The following PRAMEF2 variants were observed in gnomAD, a reference collection of about 807,000 sequenced individuals.
The protein encoded by PRAMEF2 is PRAME family member 2.
Under a neutral mutation model 38.0 loss-of-function variants are expected in PRAMEF2, and 35 were observed. That is an observed-to-expected ratio of 0.92 (90% confidence interval 0.70 to 1.22). PRAMEF2 has a LOEUF of 1.22. PRAMEF2 is among the 50% of genes most tolerant of loss of function. The probability of loss-of-function intolerance (pLI) is 0.00; values close to 1 mark genes in which losing one functional copy is unlikely to be tolerated. For synonymous variants in PRAMEF2, 240 were observed against 232.4 expected (o/e 1.03, Z -0.30); for missense variants, 562 against 553.9 (o/e 1.01, Z -0.15).
intron 3 of PRAMEF2, 78 bp from the exon 4 acceptor site, chr1:12,861,143 T>C (rs147026662): frequency 0.011 from 15,549 of 1,429,364 alleles, 417 homozygotes; most frequent in South Asian, 0.029. Flanking sequence ...TTGAAGCAGG[T>C]ATTTTCCTTG....
intron 3 of PRAMEF2, among the ~76,000 whole-genome samples, chr1:12,860,920 C>T (rs1333950753): frequency 2.0e-5 from 3 of 149,476 alleles, no homozygotes; most frequent in African/African-American, 7.4e-5. Flanking sequence ...GTTCACATCT[C>T]CCACGGGGTA....
Position 12,861,624 on chromosome 1 carries a change from C to T in PRAMEF2, c.1270C>T (p.Arg424Cys), listed in dbSNP as rs140567467. The T allele has an allele frequency of 1.1e-4, 179 of 1,593,902 alleles. 5 individuals carry two copies. The highest frequency in any genetic ancestry group is 1.1e-3 in the South Asian group (100 of 89,794). Residue 424 changes from arginine to cysteine, a missense_variant, in exon 4 of 4, where the codon CGT becomes TGT. By Grantham distance (180) the Arg-to-Cys change is radical. Around this residue, in one of 2 missense-constraint regions of PRAMEF2, gnomAD observed 76 missense variants for 109.6 expected, o/e 0.69. Coordinates refer to ENST00000240189, the MANE Select transcript of PRAMEF2 (RefSeq NM_023014.1). ...APEESLNSLV[R>C]VNWEIFTPLR... ...TGAGGAGAGTTTGAATTCCTTGGTT[C>T]GTGTCAATTGGGAGATCTTCACCCC...
At chr1:12,859,565 A>C (rs1569847165) in intron 2 of PRAMEF2, 128 bp from the exon 3 acceptor site, 1 of 1,506,916 alleles carries the variant, frequency 6.6e-7, no homozygotes, top group East Asian at 2.2e-5. Flanking sequence ...GGGAAAAGGG[A>C]TTGAGAAAAG....
chr1:12,860,378 G>T (rs1640527977), intron 3 of PRAMEF2, 107 bp downstream of exon 3: 2 of 1,538,318 alleles, frequency 1.3e-6, no homozygotes, highest in East Asian at 4.5e-5. Context: ...CAACGTCACA[G>T]TGAAGGGAAC....
In PRAMEF2 at chr1:12,861,697, A is replaced by G. The variant is rs776102401; in HGVS notation, c.1343A>G (p.Lys448Arg). 1.5e-5 allele frequency: 23 copies of G among 1,573,546 alleles called. 2 individuals are homozygous for G. In the South Asian group the frequency reaches 1.9e-4, roughly 13 times the overall value. ...MCTLREFRQP[K>R]RIFIGPTPCP... ...ACACTGAGGGAATTCAGGCAGCCCAAGAGGATCTTCATTGGCCCCACCCCC... is the reference window on the plus strand; with the variant it reads ...ACACTGAGGGAATTCAGGCAGCCCAGGAGGATCTTCATTGGCCCCACCCCC... Residue 448 changes from lysine to arginine, a missense_variant, in exon 4 of 4, where the codon AAG becomes AGG. Transcript: ENST00000240189.
chr1:12,858,315 G>C (rs1640479382), intron 1 of PRAMEF2, among the ~76,000 whole-genome samples: 1 of 150,162 alleles, frequency 6.7e-6, no homozygotes, highest in African/African-American at 2.4e-5. Context: ...GGAGTGCAGT[G>C]GTGTGATGTC....
At position 12,859,023 on chromosome 1, in the gene PRAMEF2, C is replaced by T; in HGVS notation, c.14C>T (p.Ala5Val). 5.6e-6 allele frequency: 9 copies of T among 1,598,568 alleles called. No individual in the cohort carries two copies. Among genetic ancestry groups the T allele is most frequent in the Non-Finnish European group, 7.7e-6 (9 of 1,174,488 alleles). Residue 5 changes from alanine to valine, a missense_variant, in exon 2 of 4, where the codon GCC becomes GTC. Physicochemically the swap from Ala to Val is moderately conservative, Grantham distance 64. This residue lies in a region of PRAMEF2 where 486 missense variants were observed against 444.2 expected (regional missense o/e 1.09). Transcript: ENST00000240189. Reference protein sequence around the residue: MSIQAPPRLLELAGQ... With the variant: MSIQVPPRLLELAGQ... ...AGATCCATCAGGATGAGCATCCAGG[C>T]CCCACCGAGACTACTGGAGCTGGCG... is the stretch of plus-strand genomic sequence containing the variant.
chr1:12,861,759 G>C lies in PRAMEF2; in HGVS notation c.1405G>C (p.Glu469Gln). ...SCGSSPSEEL[E>Q]LHLCC ...TGGCTCATCACCGTCTGAGGAACTG[G>C]AGCTCCATCTTTGCTGCTAGGGAAG... The change falls in exon 4 of 4, where the codon GAG becomes CAG. Residue 469 changes from glutamate (E) to glutamine (Q), a missense_variant. By Grantham distance (29) the Glu-to-Gln change is conservative. Coordinates refer to ENST00000240189, the MANE Select transcript of PRAMEF2 (RefSeq NM_023014.1). 1 of 1,594,020 alleles carries C rather than the reference G, an allele frequency of 6.3e-7. No homozygotes were observed. Among genetic ancestry groups the C allele is most frequent in the Non-Finnish European group, 8.5e-7 (1 of 1,171,122 alleles).
chr1:12,860,365 T>G (rs1402664761), intron 3 of PRAMEF2, 94 bp downstream of exon 3: 3 of 1,558,224 alleles, frequency 1.9e-6, no homozygotes, highest in Non-Finnish European at 2.6e-6. Flanking sequence ...TGCCAGCCAG[T>G]GGCAACGTCA....
chr1:12,860,318 G>C lies in PRAMEF2; in HGVS notation c.866+47G>C, dbSNP rs189908700. 9.4e-6 allele frequency: 15 copies of C among 1,599,322 alleles called. 1 individual carries two copies. Among genetic ancestry groups the C allele is most frequent in the East Asian group, 2.2e-5 (1 of 44,568 alleles). On this transcript the variant is annotated intron_variant, in intron 3 of 3. Coordinates refer to ENST00000240189, the MANE Select transcript of PRAMEF2 (RefSeq NM_023014.1). ...TGTATGCAGACCACAGCACAGACTT[G>C]TTCTGTTACAGCAAACATTAGAAGG... is the stretch of plus-strand genomic sequence containing the variant.
Position 12,861,668 on chromosome 1 carries a change from G to A in PRAMEF2, c.1314G>A (p.Met438Ile), listed in dbSNP as rs1261074338. Residue 438 changes from methionine (M) to isoleucine (I), a missense_variant, in exon 4 of 4, where the codon ATG (methionine) becomes ATA (isoleucine). Met to Ile is a conservative substitution (Grantham distance 10). Around this residue, in one of 2 missense-constraint regions of PRAMEF2, gnomAD observed 76 missense variants for 109.6 expected, o/e 0.69. Coordinates refer to ENST00000240189, the MANE Select transcript of PRAMEF2 (RefSeq NM_023014.1). Reference sequence around the variant, plus strand: ...TCACCCCACTTCGGGCTGAGCTGATGTGTACACTGAGGGAATTCAGGCAGC... The same window carrying A: ...TCACCCCACTTCGGGCTGAGCTGATATGTACACTGAGGGAATTCAGGCAGC... ...EIFTPLRAEL[M>I]CTLREFRQPK... 1.3e-6 allele frequency: 2 copies of A among 1,581,724 alleles called. No homozygotes were observed. The highest frequency in any genetic ancestry group is 1.8e-5 in the Admixed American group (1 of 56,750).
At position 12,859,253 on chromosome 1, in the gene PRAMEF2, C is replaced by T; in HGVS notation, c.244C>T (p.Leu82=). 1 of 1,610,382 alleles carries T rather than the reference C, an allele frequency of 6.2e-7. No individual in the cohort carries two copies. ...TCATCTGGAGCCATTGAAAGCATTG[C>T]TGGAAGGGCTTCATATGCTGCTTAC... ...TLHLEPLKAL[L]EGLHMLLTQK... Residue 82 remains leucine, a synonymous_variant, in exon 2 of 4, where the codon CTG becomes TTG. Transcript: ENST00000240189.
chr1:12,857,883 G>C (rs56018143), intron 1 of PRAMEF2, among the ~76,000 whole-genome samples: 10,643 of 145,390 alleles, frequency 0.073, 558 homozygotes, highest in African/African-American at 0.11. Flanking sequence ...ATTTTTAGTA[G>C]ACACAGGGTT....
Position 12,860,690 on chromosome 1 carries a change from C to T in PRAMEF2, c.866+419C>T, listed in dbSNP as rs935700073. Among the ~76,000 whole-genome samples the T allele has an allele frequency of 2.3e-4, 34 of 150,254 alleles. 2 individuals carry two copies. Among genetic ancestry groups the T allele is most frequent in the South Asian group, 4.3e-4 (2 of 4,680 alleles). On this transcript the variant is annotated intron_variant, in intron 3 of 3. Transcript: ENST00000240189. Reference sequence around the variant, plus strand: ...TCTGTCCTCACCGGCTTAGTGATCACGAATGATCCTGTCTTTAATTCCCTG... The same window carrying T: ...TCTGTCCTCACCGGCTTAGTGATCATGAATGATCCTGTCTTTAATTCCCTG...
chr1:12,861,113 G>T lies in PRAMEF2; in HGVS notation c.867-108G>T, dbSNP rs191585661. ...TCCATGAGGACCATCATCAGATGGT[G>T]GGAACAAACTTGTGTTTGGTTGAAG... On this transcript the variant is annotated intron_variant, in intron 3 of 3. Transcript: ENST00000240189. The T allele has an allele frequency of 6.9e-5, 89 of 1,293,544 alleles. 1 individual carries two copies. In the East Asian group the frequency reaches 1.5e-3, roughly 22 times the overall value. The allele number at this position is 1,293,544 out of a possible 1,614,324, so 80.1% of individuals were successfully genotyped here.
chr1:12,858,680 A>G (rs148260178), intron 1 of PRAMEF2, among the ~76,000 whole-genome samples: 1 of 149,718 alleles, frequency 6.7e-6, no homozygotes, highest in Non-Finnish European at 1.5e-5. Context: ...TTCCTCAAAG[A>G]GGTAGAGCTT....
At position 12,861,304 on chromosome 1, in the gene PRAMEF2, C is replaced by G. The variant is rs1024257277; in HGVS notation, c.950C>G (p.Pro317Arg). 11 of 1,607,072 alleles carry G rather than the reference C, an allele frequency of 6.8e-6. No homozygotes were observed. Among genetic ancestry groups the G allele is most frequent in the Middle Eastern group, 1.6e-4 (1 of 6,070 alleles). ...GACTTGAAGTGTCTCTCCCAGTTCC[C>G]AAGCCTCGGTTACCTAAAGCATCTG... ...EEDLKCLSQF[P>R]SLGYLKHLNL... is the part of the protein sequence containing the mutation. Residue 317 changes from proline (P) to arginine (R), a missense_variant, in exon 4 of 4, where the codon CCA (proline) becomes CGA (arginine). Pro to Arg is a moderately radical substitution (Grantham distance 103). Transcript: ENST00000240189.
chr1:12,860,664 G>C (rs12410150), intron 3 of PRAMEF2, among the ~76,000 whole-genome samples: 2 of 149,828 alleles, frequency 1.3e-5, no homozygotes, highest in African/African-American at 2.4e-5. Flanking sequence ...ACAATAGAAC[G>C]TCTGTCCTCA....
At position 12,861,413 on chromosome 1, in the gene PRAMEF2, C is replaced by T; in HGVS notation, c.1059C>T (p.Thr353=). The change falls in exon 4 of 4, where the codon ACC becomes ACT. Residue 353 remains threonine, a synonymous_variant. Transcript: ENST00000240189. ...LLEKIAASLE[T]LVLEGCQIHY... Reference sequence around the variant, plus strand: ...AGAAAATTGCTGCCTCTCTCGAGACCCTCGTGTTAGAGGGCTGTCAGATCC... The same window carrying T: ...AGAAAATTGCTGCCTCTCTCGAGACTCTCGTGTTAGAGGGCTGTCAGATCC... The T allele has an allele frequency of 6.2e-7, 1 of 1,602,704 alleles. No individual in the cohort carries two copies. Among genetic ancestry groups the T allele is most frequent in the Non-Finnish European group, 8.5e-7 (1 of 1,174,540 alleles).
Sources: allele counts gnomAD v4.1 joint callset (sites outside exome capture counted in the v4.1 genomes callset), GRCh38; gene constraint gnomAD v4.1.1; regional missense constraint gnomAD v4.1.1; transcripts MANE v1.5; gene names NCBI Gene and HGNC (gene_info 2026-07-23, HGNC 2026-07-21).